Variants in SLCO5A1 observed in about 807,000 individuals in gnomAD.
SLCO5A1 encodes the protein organic anion transporter polypeptide-related protein 4.
SLCO5A1 carries 39 observed loss-of-function variants against 65.1 expected under a neutral mutation model. The ratio of observed to expected loss-of-function variants is 0.60; its 90% CI spans 0.46 to 0.78. The LOEUF (loss-of-function observed/expected upper bound fraction) is 0.78, where lower values mean the gene tolerates loss of function less well. SLCO5A1 is among the 30% of genes least tolerant of loss of function. The pLI is 0.00. For synonymous variants in SLCO5A1, 438 were observed against 415.7 expected (o/e 1.05, Z -0.65); for missense variants, 1,029 against 1,069.4 (o/e 0.96, Z 0.53).
chr8:69,780,150 A>C (rs974969929), intron 2 of SLCO5A1, among the ~76,000 whole-genome samples: 7 of 152,206 alleles, frequency 4.6e-5, no homozygotes, highest in African/African-American at 1.7e-4. Context: ...GACAAAAAAT[A>C]ACAGATGTTG....
chr8:69,692,365 G>A (rs967876884), intron 6 of SLCO5A1, among the ~76,000 whole-genome samples: 5 of 152,220 alleles, frequency 3.3e-5, no homozygotes, highest in Non-Finnish European at 7.3e-5. Flanking sequence ...AGTGAGTGGT[G>A]AGTGAATGTG....
intron 2 of SLCO5A1, among the ~76,000 whole-genome samples, chr8:69,828,704 C>T (rs990336944): frequency 6.6e-6 from 1 of 152,230 alleles, no homozygotes; most frequent in African/African-American, 2.4e-5. Context: ...CTACCTTGCA[C>T]TGGCGGTATT....
In SLCO5A1 at chr8:69,669,768, A is replaced by T. The variant is rs1428201902; in HGVS notation, c.*3101T>A. 1.3e-5 allele frequency: 2 copies of T among 151,884 alleles called. No homozygotes were observed. The highest frequency in any genetic ancestry group is 2.1e-4 in the South Asian group (1 of 4,812). The allele number at this position is 151,884 out of a possible 1,614,324, so 9.4% of individuals were successfully genotyped here. On this transcript the variant is annotated 3_prime_UTR_variant, in exon 10 of 10. Transcript: ENST00000260126. Reference sequence around the variant, plus strand: ...GAAGCGGAGGTTGCAGTGAGCTGAGATTAAGCCACTGCACTCCAGCCTGGG... The same window carrying T: ...GAAGCGGAGGTTGCAGTGAGCTGAGTTTAAGCCACTGCACTCCAGCCTGGG...
Position 69,705,080 on chromosome 8 carries a change from C to T in SLCO5A1, c.1573G>A (p.Gly525Arg). The T allele has an allele frequency of 6.2e-7, 1 of 1,613,984 alleles. No individual in the cohort carries two copies. Among genetic ancestry groups the T allele is most frequent in the Non-Finnish European group, 8.5e-7 (1 of 1,180,042 alleles). Residue 525 changes from glycine (G) to arginine (R), a missense_variant, in exon 6 of 10, where the codon GGA (glycine) becomes AGA (arginine). This residue lies in a region of SLCO5A1 where 124 missense variants were observed against 184.5 expected (regional missense o/e 0.67). Transcript: ENST00000260126. Reference sequence around the variant, plus strand: ...CCCCCTAGATTAATGCTTTCACATCCAACAATAAATAGGGTTGAAAAACAT... The same window carrying T: ...CCCCCTAGATTAATGCTTTCACATCTAACAATAAATAGGGTTGAAAAACAT... ...LLCFSTLFIV[G>R]CESINLGGIN...
At chr8:69,756,178 C>T (rs28559745) in intron 3 of SLCO5A1, among the ~76,000 whole-genome samples, 10,483 of 152,180 alleles carry the variant, frequency 0.069, 704 homozygotes, top group African/African-American at 0.17. Context: ...AATCCCAGCA[C>T]GTTGGGAGGC....
intron 4 of SLCO5A1, among the ~76,000 whole-genome samples, chr8:69,753,511 A>G (rs974196626): frequency 6.6e-6 from 1 of 152,218 alleles, no homozygotes; most frequent in Non-Finnish European, 1.5e-5. Flanking sequence ...TCTACACTGC[A>G]TCTTCCAAAA....
At chr8:69,766,374 T>C (rs1239518805) in intron 2 of SLCO5A1, among the ~76,000 whole-genome samples, 1 of 152,180 alleles carries the variant, frequency 6.6e-6, no homozygotes, top group African/African-American at 2.4e-5. Flanking sequence ...CACCCTCTCC[T>C]TTGTCTCCCC....
chr8:69,735,361 C>T (rs879497583), intron 5 of SLCO5A1, among the ~76,000 whole-genome samples: 9 of 152,064 alleles, frequency 5.9e-5, no homozygotes, highest in African/African-American at 1.7e-4. Context: ...TTATAAAATG[C>T]GTGCACACGT....
rs1563382552 is a variant in SLCO5A1 at position 69,832,104 on chromosome 8, G to A, written c.570C>T (p.Gly190=). 6.2e-7 allele frequency: 1 copy of A among 1,614,078 alleles called. No homozygotes were observed. The change falls in exon 2 of 10, where the codon GGC becomes GGT. Residue 190 remains glycine (G), a synonymous_variant. Transcript: ENST00000260126. This position sits in a 1 kb window ranked among gnomAD's most constrained non-coding sequence, Gnocchi z 4.5. ...CCAGCCACAGGGGCCGCCGACCCCGGCCGCCGAAGTAGCTGACGAACACCA... is the reference window on the plus strand; with the variant it reads ...CCAGCCACAGGGGCCGCCGACCCCGACCGCCGAAGTAGCTGACGAACACCA... ...VVVVFVSYFG[G]RGRRPLWLAV...
chr8:69,695,246 G>A (rs1164681231), intron 6 of SLCO5A1, among the ~76,000 whole-genome samples: 3 of 152,158 alleles, frequency 2.0e-5, no homozygotes, highest in Non-Finnish European at 4.4e-5. Flanking sequence ...TGTAATCCCA[G>A]CACTTTGGGA....
intron 2 of SLCO5A1, among the ~76,000 whole-genome samples, chr8:69,773,980 G>T (rs1346044408): frequency 6.6e-6 from 1 of 152,180 alleles, no homozygotes; most frequent in Non-Finnish European, 1.5e-5. Flanking sequence ...TTTTCATTAA[G>T]GTGCATATCA....
At chr8:69,734,989 C>T (rs936441240) in intron 5 of SLCO5A1, among the ~76,000 whole-genome samples, 1 of 152,096 alleles carries the variant, frequency 6.6e-6, no homozygotes, top group African/African-American at 2.4e-5. Flanking sequence ...AAACAAACAA[C>T]CCCATTGAAA....
At chr8:69,674,194 T>G (rs1813453766) in intron 9 of SLCO5A1, among the ~76,000 whole-genome samples, 1 of 152,242 alleles carries the variant, frequency 6.6e-6, no homozygotes, top group Non-Finnish European at 1.5e-5. Flanking sequence ...CATAGCATTT[T>G]AAATGTTTAC....
At chr8:69,683,295 C>T (rs1250035415) in intron 6 of SLCO5A1, among the ~76,000 whole-genome samples, 1 of 152,150 alleles carries the variant, frequency 6.6e-6, no homozygotes, top group Non-Finnish European at 1.5e-5. Context: ...GTTCCCAAGA[C>T]TAGATGAGTT....
chr8:69,827,990 G>A (rs1411014638), intron 2 of SLCO5A1, among the ~76,000 whole-genome samples: 1 of 152,192 alleles, frequency 6.6e-6, no homozygotes, highest in Non-Finnish European at 1.5e-5. Flanking sequence ...TTGCCAAAGA[G>A]CCATGCACTG....
At position 69,673,035 on chromosome 8, in the gene SLCO5A1, G is replaced by T; in HGVS notation, c.2381C>A (p.Ser794Tyr). ...VGHPDNARTR[S>Y]CPAFSTQGEF... Reference sequence around the variant, plus strand: ...TCCCTGGGTGCTGAAAGCTGGGCAAGATCTAGTCCGGGCATTGTCGGGGTG... The same window carrying T: ...TCCCTGGGTGCTGAAAGCTGGGCAATATCTAGTCCGGGCATTGTCGGGGTG... Residue 794 changes from serine to tyrosine, a missense_variant, in exon 10 of 10, where the codon TCT (serine) becomes TAT (tyrosine). Physicochemically the swap from Ser to Tyr is moderately radical, Grantham distance 144. Coordinates refer to ENST00000260126, the MANE Select transcript of SLCO5A1 (RefSeq NM_030958.3). 1 of 1,614,228 alleles carries T rather than the reference G, an allele frequency of 6.2e-7. No individual in the cohort carries two copies. The highest frequency in any genetic ancestry group is 8.5e-7 in the Non-Finnish European group (1 of 1,180,042).
chr8:69,775,327 A>T (rs1818512790), intron 2 of SLCO5A1, among the ~76,000 whole-genome samples: 1 of 152,232 alleles, frequency 6.6e-6, no homozygotes, highest in South Asian at 2.1e-4. Flanking sequence ...GCAGCCAGTT[A>T]TGCTTAATTA....
At chr8:69,753,517 CA>C (rs1416264112) in intron 4 of SLCO5A1, among the ~76,000 whole-genome samples, 1 of 152,170 alleles carries the variant, frequency 6.6e-6, no homozygotes, top group Non-Finnish European at 1.5e-5. Context: ...CTGCATCTTC[CA>C]AAAGAACTTC....
chr8:69,680,821 T>C (rs533333269), intron 7 of SLCO5A1, among the ~76,000 whole-genome samples: 33 of 152,318 alleles, frequency 2.2e-4, no homozygotes, highest in Middle Eastern at 3.4e-3. Context: ...ACCAGCTCCA[T>C]GGATGTAACT....
Sources: gnomAD v4.1 joint callset for allele counts (sites outside exome capture counted in the v4.1 genomes callset) on GRCh38, gnomAD v4.1.1 for gene constraint, gnomAD v4.1.1 regional missense constraint, Gnocchi (gnomAD v3.1) non-coding constraint, MANE v1.5 for transcripts, NCBI Gene and HGNC (gene_info 2026-07-23, HGNC 2026-07-21) for gene names.